Variants in OSBPL11 observed in about 807,000 individuals in gnomAD.
OSBPL11 encodes the protein oxysterol binding protein like 11.
OSBPL11 carries 33 observed loss-of-function variants against 84.4 expected under a neutral mutation model. The observed-to-expected ratio is 0.39, with a 90% CI of 0.30 to 0.52. The LOEUF (loss-of-function observed/expected upper bound fraction) is 0.52, where lower values mean the gene tolerates loss of function less well. Ranked by LOEUF, OSBPL11 falls within the 20% of genes least tolerant of loss-of-function variation. The pLI, the probability that OSBPL11 is intolerant of heterozygous loss-of-function variation, is 0.72. For synonymous variants in OSBPL11, 276 were observed against 310.2 expected (o/e 0.89, Z 1.16); for missense variants, 736 against 901.1 (o/e 0.82, Z 2.35).
At chr3:125,568,842 C>T (rs1257951836) in intron 5 of OSBPL11, among the ~76,000 whole-genome samples, 1 of 152,174 alleles carries the variant, frequency 6.6e-6, no homozygotes, top group African/African-American at 2.4e-5. Flanking sequence ...CAGGTGTGAG[C>T]AGAAGGCTCT....
intron 1 of OSBPL11, among the ~76,000 whole-genome samples, chr3:125,585,125 T>A (rs183378838): frequency 6.6e-5 from 10 of 152,206 alleles, no homozygotes; most frequent in African/African-American, 2.4e-4. Context: ...ATCCCACGTG[T>A]ATCTCTTTTT....
chr3:125,575,010 G>A (rs996219474), intron 5 of OSBPL11, among the ~76,000 whole-genome samples: 2 of 152,202 alleles, frequency 1.3e-5, no homozygotes, highest in South Asian at 4.1e-4. Flanking sequence ...TAGTAACAAA[G>A]AATAGCCACA....
intron 11 of OSBPL11, among the ~76,000 whole-genome samples, chr3:125,536,342 C>T (rs569795256): frequency 6.6e-6 from 1 of 152,266 alleles, no homozygotes; most frequent in African/African-American, 2.4e-5. Flanking sequence ...GTCTAATGTG[C>T]ATCCTGAATG....
intron 11 of OSBPL11, among the ~76,000 whole-genome samples, chr3:125,535,884 G>A (rs13059598): frequency 6.6e-6 from 1 of 151,746 alleles, no homozygotes; most frequent in African/African-American, 2.4e-5. Flanking sequence ...TGTAATTCCA[G>A]CACTTTGGGA....
At chr3:125,585,263 T>A (rs1317370797) in intron 1 of OSBPL11, among the ~76,000 whole-genome samples, 2 of 152,148 alleles carry the variant, frequency 1.3e-5, no homozygotes, top group Non-Finnish European at 2.9e-5. Flanking sequence ...GCCAAGTAGC[T>A]GGGACTACAG....
At chr3:125,531,674 CT>C (rs1935557941) in intron 12 of OSBPL11, among the ~76,000 whole-genome samples, 186 bp downstream of exon 12, 1 of 151,608 alleles carries the variant, frequency 6.6e-6, no homozygotes, top group African/African-American at 2.4e-5. Context: ...GTATATCTGC[CT>C]TTTTTTTGAG....
rs189518500 is a variant in OSBPL11, at chr3:125,559,117, A to G, written c.1155+1262T>C. On this transcript the variant is annotated intron_variant, in intron 8 of 12. Coordinates refer to ENST00000296220, the MANE Select transcript of OSBPL11 (RefSeq NM_022776.5). The stretch of plus-strand genomic sequence containing the variant: ...TACAAAGGCAGAGTTGAATAGCTAC[A>G]ACAGAGACCTATGTCCACATAGCTG... 7.3e-3 allele frequency among the ~76,000 whole-genome samples: 1,119 copies of G among 152,322 alleles called. 12 individuals are homozygous for G. The highest frequency in any genetic ancestry group is 0.014 in the Middle Eastern group (4 of 294).
intron 4 of OSBPL11, 69 bp from the exon 5 acceptor site, chr3:125,576,434 C>T: frequency 8.0e-7 from 1 of 1,255,348 alleles, no homozygotes; most frequent in Non-Finnish European, 1.1e-6. Context: ...ATCAAACTAC[C>T]ATACACTTAA....
At chr3:125,560,547 G>A (rs1331853092) in intron 7 of OSBPL11, 28 bp from the exon 8 acceptor site, 1 of 1,518,808 alleles carries the variant, frequency 6.6e-7, no homozygotes, top group Non-Finnish European at 8.9e-7. Context: ...CAAAAGTCTA[G>A]TATTTTAACT....
rs957729217 is a variant in OSBPL11, at chr3:125,547,662, T to C, written c.1655-70A>G. On this transcript the variant is annotated intron_variant, in intron 9 of 12. Coordinates refer to ENST00000296220, the MANE Select transcript of OSBPL11 (RefSeq NM_022776.5). ...CAGCTAATGAAACAATCCATATTAA[T>C]TTTGTTCTTGTCTAGTAAATAAGCA... 140 of 1,265,572 alleles carry C rather than the reference T, an allele frequency of 1.1e-4. 1 individual carries two copies. The highest frequency in any genetic ancestry group is 1.9e-4 in the Middle Eastern group (1 of 5,176). 78.4% of individuals were successfully genotyped at this position (1,265,572 alleles called of 1,614,324 possible).
At chr3:125,562,675 C>T (rs187519228) in intron 7 of OSBPL11, among the ~76,000 whole-genome samples, 1 of 152,176 alleles carries the variant, frequency 6.6e-6, no homozygotes, top group Admixed American at 6.5e-5. Context: ...ACCTGTAATC[C>T]CAGCATTTTG....
chr3:125,590,235 T>A (rs1405645274), intron 1 of OSBPL11, among the ~76,000 whole-genome samples: 1 of 152,202 alleles, frequency 6.6e-6, no homozygotes, highest in African/African-American at 2.4e-5. Context: ...GCTAATCTAA[T>A]AAATTAAGTT....
In OSBPL11 at chr3:125,576,333, T is replaced by G; in HGVS notation, c.522A>C (p.Ser174=). 6.3e-7 allele frequency: 1 copy of G among 1,596,498 alleles called. No individual in the cohort carries two copies. Among genetic ancestry groups the G allele is most frequent in the Non-Finnish European group, 8.5e-7 (1 of 1,175,690 alleles). Residue 174 remains serine, a synonymous_variant, in exon 5 of 13, where the codon TCA becomes TCC. Coordinates refer to ENST00000296220, the MANE Select transcript of OSBPL11 (RefSeq NM_022776.5). ...NNPPLKSRSF[S]LASSSNSPIS... ...TAGGAGAATTACTACTAGATGCAAG[T>G]GAGAAGCTCCGTGACTTCAGAGGAG... is the stretch of plus-strand genomic sequence containing the variant.
chr3:125,581,587 T>C (rs1429681983), intron 2 of OSBPL11, among the ~76,000 whole-genome samples: 1 of 149,984 alleles, frequency 6.7e-6, no homozygotes, highest in Admixed American at 6.6e-5. Flanking sequence ...TCCCAGCTAC[T>C]TGGGAGGCTG....
chr3:125,589,807 C>A (rs976870575), intron 1 of OSBPL11, among the ~76,000 whole-genome samples: 4 of 152,120 alleles, frequency 2.6e-5, no homozygotes, highest in African/African-American at 9.7e-5. Context: ...GGTCTGACCA[C>A]AAAAATTATT....
Position 125,567,557 on chromosome 3 carries a change from A to G in OSBPL11, c.705T>C (p.Ile235=), listed in dbSNP as rs1382718937. 2.5e-6 allele frequency: 4 copies of G among 1,614,070 alleles called. No homozygotes were observed. The highest frequency in any genetic ancestry group is 3.4e-6 in the Non-Finnish European group (4 of 1,180,024). The change falls in exon 6 of 13, where the codon ATT becomes ATC. Residue 235 remains isoleucine, a synonymous_variant. Transcript: ENST00000296220. ...SHAEGQQRDL[I]RRIECLPTSG... ...AAGTAGGAAGGCATTCAATTCGTCT[A>G]ATTAAGTCTCTTTGTTGTCCTTCAG...
chr3:125,541,809 C>T (rs747181551), intron 10 of OSBPL11, among the ~76,000 whole-genome samples: 1 of 152,158 alleles, frequency 6.6e-6, no homozygotes, highest in South Asian at 2.1e-4. Flanking sequence ...TATTAAACTC[C>T]TGGGTTCAAG....
chr3:125,535,024 A>G (rs533997510), intron 11 of OSBPL11, among the ~76,000 whole-genome samples: 8 of 151,164 alleles, frequency 5.3e-5, no homozygotes, highest in South Asian at 2.1e-4. Flanking sequence ...TTTATAAAAG[A>G]GCAAAATTCA....
chr3:125,560,698 C>T (rs566328389), intron 7 of OSBPL11, among the ~76,000 whole-genome samples, 179 bp from the exon 8 acceptor site: 2 of 152,190 alleles, frequency 1.3e-5, no homozygotes, highest in East Asian at 3.9e-4. Flanking sequence ...CTTCAGAGAG[C>T]CCCATTATTG....
Sources: gnomAD v4.1 joint callset for allele counts (sites outside exome capture counted in the v4.1 genomes callset) on GRCh38, gnomAD v4.1.1 for gene constraint, MANE v1.5 for transcripts, NCBI Gene and HGNC (gene_info 2026-07-23, HGNC 2026-07-21) for gene names.